The following KATNAL2 variants were observed in gnomAD, a reference collection of about 807,000 sequenced individuals.
KATNAL2 encodes the protein katanin catalytic subunit A1 like 2, also known as katanin p60 ATPase-containing subunit A-like 2.
KATNAL2 carries 52 observed loss-of-function variants against 76.3 expected under a neutral mutation model. The observed-to-expected ratio is 0.68, with a 90% confidence interval of 0.55 to 0.86. The LOEUF (loss-of-function observed/expected upper bound fraction) is 0.86. Ranked by LOEUF, KATNAL2 falls within the 40% of genes least tolerant of loss-of-function variation. The probability of loss-of-function intolerance (pLI) is 0.00; values close to 1 mark genes in which losing one functional copy is unlikely to be tolerated. For missense variants in KATNAL2, 660 were observed against 668.9 expected, an observed-to-expected ratio of 0.99 and a Z score of 0.15; for synonymous variants, 243 against 244.2, an observed-to-expected ratio of 1.00 and a Z score of 0.05.
intron 3 of KATNAL2, among the ~76,000 whole-genome samples, chr18:46,954,704 C>T (rs55819334): frequency 0.057 from 8,730 of 151,938 alleles, 300 homozygotes; most frequent in Non-Finnish European, 0.081. Flanking sequence ...AGTACAATGG[C>T]GCAATTTCAG....
chr18:46,944,789 G>A (rs530673717), intron 1 of KATNAL2, among the ~76,000 whole-genome samples: 65 of 152,202 alleles, frequency 4.3e-4, no homozygotes, highest in Non-Finnish European at 7.6e-4. Flanking sequence ...TTAGCTGGGC[G>A]TGGTGGCGTG....
chr18:47,037,388 C>A (rs753375464), intron 3 of KATNAL2, among the ~76,000 whole-genome samples: 20 of 152,174 alleles, frequency 1.3e-4, no homozygotes, highest in Non-Finnish European at 2.5e-4. Context: ...TTGAAACATG[C>A]AAATGAGACA....
intron 1 of KATNAL2, among the ~76,000 whole-genome samples, chr18:46,940,582 T>C (rs796763478): frequency 4.6e-5 from 7 of 152,330 alleles, no homozygotes; most frequent in African/African-American, 1.7e-4. Context: ...GCACATTTCT[T>C]GTCATTCTTG....
intron 3 of KATNAL2, among the ~76,000 whole-genome samples, chr18:46,956,255 C>A (rs960077624): frequency 6.6e-6 from 1 of 152,186 alleles, no homozygotes; most frequent in African/African-American, 2.4e-5. Flanking sequence ...TTCATTAACT[C>A]ATACGATAAA....
chr18:47,079,065 TTTAA>T (rs1333618341), intron 15 of KATNAL2, among the ~76,000 whole-genome samples: 1 of 152,166 alleles, frequency 6.6e-6, no homozygotes, highest in African/African-American at 2.4e-5. Context: ...ATCTCCCCGT[TTTAA>T]TAACTAACAC....
At chr18:47,063,263 C>A (rs768577695) in intron 9 of KATNAL2, 21 bp from the exon 10 acceptor site, 8 of 1,609,458 alleles carry the variant, frequency 5.0e-6, no homozygotes, top group Non-Finnish European at 5.9e-6. Flanking sequence ...GTAATGTGAG[C>A]CTTTCCGCTC....
chr18:47,044,282 G>A (rs1048206570), intron 3 of KATNAL2, among the ~76,000 whole-genome samples: 1 of 152,160 alleles, frequency 6.6e-6, no homozygotes, highest in Non-Finnish European at 1.5e-5. Context: ...GCTATCCTGG[G>A]CCACAGACAA....
At chr18:46,939,537 A>G (rs1030144265) in intron 1 of KATNAL2, among the ~76,000 whole-genome samples, 5 of 152,130 alleles carry the variant, frequency 3.3e-5, no homozygotes, top group Non-Finnish European at 7.4e-5. Flanking sequence ...CACTGGAATC[A>G]CATACTTTTT....
At chr18:47,053,849 G>A (rs1431183212) in intron 5 of KATNAL2, among the ~76,000 whole-genome samples, 1 of 152,174 alleles carries the variant, frequency 6.6e-6, no homozygotes, top group Non-Finnish European at 1.5e-5. Flanking sequence ...GGTTAGATGT[G>A]GGCCTTGAAG....
chr18:47,060,180 A>G (rs1599708151), intron 8 of KATNAL2, among the ~76,000 whole-genome samples: 3 of 152,020 alleles, frequency 2.0e-5, no homozygotes, highest in East Asian at 3.9e-4. Context: ...TCATTTTTCT[A>G]GAGATGGGGT....
chr18:47,031,772 C>G (rs1035817686), intron 3 of KATNAL2, among the ~76,000 whole-genome samples: 3 of 152,312 alleles, frequency 2.0e-5, no homozygotes, highest in South Asian at 4.1e-4. Flanking sequence ...GCCTCCCCAC[C>G]TGGACTTTTT....
At chr18:46,948,073 C>T (rs1461619178) in intron 3 of KATNAL2, among the ~76,000 whole-genome samples, 2 of 152,082 alleles carry the variant, frequency 1.3e-5, no homozygotes. Context: ...CAGCCGTAAA[C>T]GTTCTCATAT....
At chr18:46,924,074 G>C (rs778568937) in intron 1 of KATNAL2, among the ~76,000 whole-genome samples, 1 of 152,168 alleles carries the variant, frequency 6.6e-6, no homozygotes, top group Non-Finnish European at 1.5e-5. Context: ...AAGCTCTTTA[G>C]TTTAATTAGA....
At chr18:46,955,140 C>CTCTCTTCCTTTCTTTCTTTCTTTCTT (rs1555834717) in intron 3 of KATNAL2, among the ~76,000 whole-genome samples, 1 of 85,020 alleles carries the variant, frequency 1.2e-5, no homozygotes. Flanking sequence ...CTTTCTCTCT[C>CTCTCTTCCTTTCTTTCTTTCTTTCTT]TCTTTCTTTC....
intron 7 of KATNAL2, among the ~76,000 whole-genome samples, 167 bp from the exon 8 acceptor site, chr18:47,059,389 C>G (rs948551181): frequency 6.6e-6 from 1 of 152,244 alleles, no homozygotes; most frequent in African/African-American, 2.4e-5. Context: ...AGGCAGACAG[C>G]TACTTCATCT....
At chr18:47,069,376 G>A (rs540483647) in intron 12 of KATNAL2, 93 bp downstream of exon 12, 17 of 1,357,416 alleles carry the variant, frequency 1.3e-5, no homozygotes, top group African/African-American at 8.7e-5. Flanking sequence ...TGGGGCACAC[G>A]AGAGCTGAGC....
chr18:46,919,163 C>T (rs2058362624), intron 1 of KATNAL2, among the ~76,000 whole-genome samples: 1 of 151,566 alleles, frequency 6.6e-6, no homozygotes. Context: ...CCAGCCAGGC[C>T]AACATGGTGA....
intron 1 of KATNAL2, among the ~76,000 whole-genome samples, chr18:46,942,868 G>C (rs1246711503): frequency 6.6e-6 from 1 of 151,298 alleles, no homozygotes; most frequent in Non-Finnish European, 1.5e-5. Flanking sequence ...GTTGGATGTT[G>C]GATATTGTGA....
chr18:47,100,442 G>A (rs1039155366), intron 17 of KATNAL2, 86 bp downstream of exon 17: 1 of 1,101,788 alleles, frequency 9.1e-7, no homozygotes, highest in Non-Finnish European at 1.3e-6. Context: ...GCCTGTTCTT[G>A]GTGCCGCTTT....
Sources: allele counts gnomAD v4.1 joint callset (sites outside exome capture counted in the v4.1 genomes callset), GRCh38; gene constraint gnomAD v4.1.1; transcripts MANE v1.5; gene names NCBI Gene and HGNC (gene_info 2026-07-23, HGNC 2026-07-21).